DLGAP2: variants seen among roughly 807,000 people sequenced by gnomAD.
The protein encoded by DLGAP2 is disks large-associated protein 2.
DLGAP2 carries 26 observed loss-of-function variants against 100.3 expected under a neutral mutation model. The ratio of observed to expected loss-of-function variants is 0.26; its 90% CI spans 0.19 to 0.36. The LOEUF (loss-of-function observed/expected upper bound fraction) is 0.36, where lower values mean the gene tolerates loss of function less well. DLGAP2 is among the 10% of genes least tolerant of loss of function. DLGAP2 has a pLI of 1.00. For synonymous variants in DLGAP2, 886 were observed against 630.1 expected, an observed-to-expected ratio of 1.41 and a Z score of -6.08; for missense variants, 1,858 against 1,453.2, an observed-to-expected ratio of 1.28 and a Z score of -4.53.
At chr8:769,126 G>T (rs957194871) in intron 1 of DLGAP2, among the ~76,000 whole-genome samples, 1 of 152,060 alleles carries the variant, frequency 6.6e-6, no homozygotes, top group Admixed American at 6.6e-5. Flanking sequence ...TGAGCAGCTC[G>T]GATCTCTAGA....
At chr8:923,913 A>G (rs553817585) in intron 2 of DLGAP2, among the ~76,000 whole-genome samples, 1 of 152,348 alleles carries the variant, frequency 6.6e-6, no homozygotes, top group Admixed American at 6.5e-5. Context: ...CCTGTGAGTG[A>G]TTTCAGGGTC....
chr8:1,581,169 C>G (rs546273408), intron 6 of DLGAP2, among the ~76,000 whole-genome samples: 1 of 150,654 alleles, frequency 6.6e-6, no homozygotes, highest in Admixed American at 6.6e-5. Flanking sequence ...GAGAAGGATA[C>G]AGACAAAACC....
chr8:1,021,946 G>A (rs1801635185), intron 2 of DLGAP2, among the ~76,000 whole-genome samples: 1 of 152,144 alleles, frequency 6.6e-6, no homozygotes, highest in Non-Finnish European at 1.5e-5. Context: ...TGATGTTAGC[G>A]CCAGTATTAG....
intron 7 of DLGAP2, among the ~76,000 whole-genome samples, chr8:1,632,274 A>T (rs1262283665): frequency 6.6e-6 from 1 of 152,250 alleles, no homozygotes; most frequent in Non-Finnish European, 1.5e-5. Context: ...ATGCTGCCGT[A>T]ATGGGGATAA....
At chr8:857,379 T>C (rs1797299380) in intron 1 of DLGAP2, among the ~76,000 whole-genome samples, 1 of 152,124 alleles carries the variant, frequency 6.6e-6, no homozygotes, top group African/African-American at 2.4e-5. Flanking sequence ...AAAGACACTC[T>C]TCAGAGGATG....
intron 1 of DLGAP2, among the ~76,000 whole-genome samples, chr8:766,630 T>A (rs1221964131): frequency 6.6e-6 from 1 of 152,168 alleles, no homozygotes; most frequent in Non-Finnish European, 1.5e-5. Context: ...TGCATGATAC[T>A]TGGAGTGATC....
intron 3 of DLGAP2, among the ~76,000 whole-genome samples, chr8:1,413,695 C>G (rs375040301): frequency 1.8e-4 from 28 of 152,172 alleles, no homozygotes; most frequent in Non-Finnish European, 1.5e-4. Context: ...GATAAATGGT[C>G]TTGAACTCAA....
At chr8:917,538 T>C (rs1321277920) in intron 2 of DLGAP2, among the ~76,000 whole-genome samples, 1 of 152,068 alleles carries the variant, frequency 6.6e-6, no homozygotes, top group Non-Finnish European at 1.5e-5. Flanking sequence ...GCACCCAGAC[T>C]GATTCTCTTT....
At chr8:1,599,028 A>G (rs770548416) in intron 6 of DLGAP2, among the ~76,000 whole-genome samples, 4 of 152,204 alleles carry the variant, frequency 2.6e-5, no homozygotes, top group African/African-American at 4.8e-5. Context: ...TGCTCTAAAC[A>G]CTGCTTTAGC....
intron 1 of DLGAP2, chr8:739,616 G>A (rs1269630104): frequency 6.6e-6 from 1 of 152,224 alleles, no homozygotes; most frequent in African/African-American, 2.4e-5. Context: ...GTAATTCTTG[G>A]CAGGTCAAGT....
chr8:744,899 G>T (rs192278452), intron 1 of DLGAP2, among the ~76,000 whole-genome samples: 1 of 152,270 alleles, frequency 6.6e-6, no homozygotes, highest in East Asian at 1.9e-4. Context: ...CGAATTCCTC[G>T]CTTGGACTGG....
chr8:1,276,286 C>T (rs780958994), intron 3 of DLGAP2, among the ~76,000 whole-genome samples: 2 of 151,464 alleles, frequency 1.3e-5, no homozygotes, highest in Non-Finnish European at 2.9e-5. Flanking sequence ...GCTTTTTTAC[C>T]CAAACACTAT....
At chr8:867,825 T>C (rs1797526839) in intron 1 of DLGAP2, among the ~76,000 whole-genome samples, 1 of 152,240 alleles carries the variant, frequency 6.6e-6, no homozygotes. Flanking sequence ...AATTATGAGA[T>C]GTGAGCTGAG....
intron 3 of DLGAP2, among the ~76,000 whole-genome samples, chr8:1,468,409 G>C (rs1021824904): frequency 1.3e-5 from 2 of 151,468 alleles, no homozygotes; most frequent in Non-Finnish European, 2.9e-5. Flanking sequence ...ACACGGCGTG[G>C]ATCCGGGCTG....
At chr8:852,998 G>A (rs1302222227) in intron 1 of DLGAP2, among the ~76,000 whole-genome samples, 1 of 152,238 alleles carries the variant, frequency 6.6e-6, no homozygotes, top group Non-Finnish European at 1.5e-5. Flanking sequence ...GGGGCAGTGG[G>A]CTTTGTAGTG....
At chr8:797,030 A>G (rs941317742) in intron 1 of DLGAP2, among the ~76,000 whole-genome samples, 1 of 152,236 alleles carries the variant, frequency 6.6e-6, no homozygotes, top group Non-Finnish European at 1.5e-5. Context: ...ATGTATTTCC[A>G]TTGGCAGAGT....
intron 1 of DLGAP2, among the ~76,000 whole-genome samples, chr8:869,734 C>T (rs1326426884): frequency 6.6e-6 from 1 of 152,132 alleles, no homozygotes; most frequent in Non-Finnish European, 1.5e-5. Context: ...GGAGAGAACC[C>T]GTGATATTTT....
At chr8:1,663,405 C>T (rs1798464164) in intron 8 of DLGAP2, among the ~76,000 whole-genome samples, 1 of 152,148 alleles carries the variant, frequency 6.6e-6, no homozygotes, top group South Asian at 2.1e-4. Context: ...TACTGTGCAC[C>T]CGTCTTCGCC....
intron 3 of DLGAP2, among the ~76,000 whole-genome samples, chr8:1,497,414 C>CAG (rs1223144248): frequency 1.3e-5 from 2 of 152,172 alleles, no homozygotes; most frequent in African/African-American, 4.8e-5. Context: ...TCTCAGAGCG[C>CAG]AGAGAGAGCT....
Sources: gnomAD v4.1 joint callset for allele counts (sites outside exome capture counted in the v4.1 genomes callset) on GRCh38, gnomAD v4.1.1 for gene constraint, MANE v1.5 for transcripts, NCBI Gene and HGNC (gene_info 2026-07-23, HGNC 2026-07-21) for gene names.